The following TAX1BP1 variants were observed in gnomAD, a reference collection of about 807,000 sequenced individuals.
TAX1BP1 encodes Tax1 binding protein 1, also known as tax1-binding protein 1.
TAX1BP1 carries 62 observed loss-of-function variants against 97.7 expected under a neutral mutation model. That is an observed-to-expected ratio of 0.63 (90% CI 0.52 to 0.78). The LOEUF is 0.78. Among genes scored for constraint, TAX1BP1 ranks in the 30% least tolerant of loss-of-function variants. TAX1BP1 has a pLI of 0.00. For missense variants in TAX1BP1, 867 were observed against 916.1 expected, an observed-to-expected ratio of 0.95 and a Z score of 0.69; for synonymous variants, 340 against 304.2, an observed-to-expected ratio of 1.12 and a Z score of -1.23.
chr7:27,802,003 A>G (rs916461776), intron 13 of TAX1BP1, among the ~76,000 whole-genome samples: 2 of 152,212 alleles, frequency 1.3e-5, no homozygotes, highest in Non-Finnish European at 2.9e-5. Context: ...AGCTAGGGAA[A>G]GGAAGCAGCA....
chr7:27,769,718 A>C lies in TAX1BP1; in HGVS notation c.496A>C (p.Lys166Gln), dbSNP rs764296726. The C allele has an allele frequency of 9.9e-6, 16 of 1,612,024 alleles. No individual in the cohort carries two copies. Among genetic ancestry groups the C allele is most frequent in the Admixed American group, 1.7e-5 (1 of 59,920 alleles). ...KTMKEKEELL[K>Q]LIAVLEKETA... Reference sequence around the variant, plus strand: ...CATGAAAGAAAAAGAAGAACTGTTAAAGTTAATTGCCGTTCTGGAAAAAGA... The same window carrying C: ...CATGAAAGAAAAAGAAGAACTGTTACAGTTAATTGCCGTTCTGGAAAAAGA... The change falls in exon 5 of 17, where the codon AAG becomes CAG. Residue 166 changes from lysine to glutamine, a missense_variant. This residue lies in a region of TAX1BP1 where 822 missense variants were observed against 851.4 expected (regional missense o/e 0.97). Coordinates refer to ENST00000396319, the MANE Select transcript of TAX1BP1 (RefSeq NM_006024.7).
At chr7:27,787,741 C>A (rs1265851951) in intron 8 of TAX1BP1, 138 bp downstream of exon 8, 2 of 757,010 alleles carry the variant, frequency 2.6e-6, no homozygotes, top group African/African-American at 1.8e-5. Flanking sequence ...AAGAACAGAA[C>A]AATGAATACT....
intron 13 of TAX1BP1, among the ~76,000 whole-genome samples, chr7:27,807,858 T>G (rs764598025): frequency 5.9e-5 from 9 of 152,194 alleles, no homozygotes; most frequent in Non-Finnish European, 1.0e-4. Context: ...ATATTTATCA[T>G]TGTAGACTCA....
intron 11 of TAX1BP1, 39 bp downstream of exon 11, chr7:27,794,485 A>C: frequency 1.3e-6 from 2 of 1,548,226 alleles, no homozygotes; most frequent in Non-Finnish European, 1.7e-6. Context: ...GGTGTCCTAC[A>C]TTGAAAAGTA....
chr7:27,775,994 C>G (rs924962497), intron 5 of TAX1BP1, among the ~76,000 whole-genome samples: 2 of 149,184 alleles, frequency 1.3e-5, no homozygotes, highest in Non-Finnish European at 3.0e-5. Flanking sequence ...TCTGTCTGTT[C>G]GTCTGTCTGT....
At chr7:27,760,636 C>T (rs1483922106) in intron 3 of TAX1BP1, among the ~76,000 whole-genome samples, 1 of 152,130 alleles carries the variant, frequency 6.6e-6, no homozygotes, top group Middle Eastern at 3.4e-3. Flanking sequence ...CCTTGTGATC[C>T]GCCCGCCTCG....
chr7:27,749,906 C>T (rs1456731146), intron 2 of TAX1BP1, among the ~76,000 whole-genome samples: 3 of 152,112 alleles, frequency 2.0e-5, no homozygotes, highest in Non-Finnish European at 4.4e-5. Flanking sequence ...ATCCTTTCCC[C>T]GCAGCCTTCC....
intron 5 of TAX1BP1, among the ~76,000 whole-genome samples, chr7:27,775,895 T>C (rs1789015207): frequency 6.6e-6 from 1 of 152,170 alleles, no homozygotes; most frequent in Admixed American, 6.5e-5. Context: ...TTTCCCACTT[T>C]ATGATGTCTT....
chr7:27,792,918 G>A, intron 9 of TAX1BP1, 148 bp from the exon 10 acceptor site: 1 of 644,252 alleles, frequency 1.6e-6, no homozygotes. Context: ...GCCATAATTG[G>A]GCCACTGTGT....
At chr7:27,804,966 A>G (rs1358877164) in intron 13 of TAX1BP1, among the ~76,000 whole-genome samples, 1 of 152,212 alleles carries the variant, frequency 6.6e-6, no homozygotes, top group Non-Finnish European at 1.5e-5. Context: ...TTTACAAATA[A>G]TACTGCAATG....
chr7:27,799,909 G>T (rs1458824191), intron 12 of TAX1BP1, 56 bp from the exon 13 acceptor site: 1 of 1,440,116 alleles, frequency 6.9e-7, no homozygotes, highest in Non-Finnish European at 9.4e-7. Context: ...CATTAGTATA[G>T]ATTTTCACTC....
At chr7:27,801,135 A>G (rs1790123880) in intron 13 of TAX1BP1, among the ~76,000 whole-genome samples, 1 of 151,378 alleles carries the variant, frequency 6.6e-6, no homozygotes, top group Non-Finnish European at 1.5e-5. Flanking sequence ...TTAGAGAAAA[A>G]AAAAAAACAG....
chr7:27,821,650 AGT>A (rs1489392650), intron 15 of TAX1BP1, among the ~76,000 whole-genome samples: 1 of 150,922 alleles, frequency 6.6e-6, no homozygotes, highest in East Asian at 1.9e-4. Flanking sequence ...AAAAAAAAAA[AGT>A]AGTTAATTTT....
chr7:27,825,235 C>CT (rs767330487), intron 15 of TAX1BP1, among the ~76,000 whole-genome samples: 3,174 of 139,708 alleles, frequency 0.023, 111 homozygotes, highest in African/African-American at 0.073. Flanking sequence ...TTCCCAGTAG[C>CT]TTTTTTTTTT....
chr7:27,753,338 C>T (rs1482741542), intron 2 of TAX1BP1, among the ~76,000 whole-genome samples: 1 of 152,100 alleles, frequency 6.6e-6, no homozygotes, highest in Non-Finnish European at 1.5e-5. Flanking sequence ...GATGCCATAT[C>T]TTTATTATTA....
In TAX1BP1 at chr7:27,766,005, A is replaced by T. The variant is rs745365488; in HGVS notation, c.437A>T (p.Lys146Ile). Reference protein sequence around the residue: ...GNSDMLVVTTKAGLLELKIEK... With the variant: ...GNSDMLVVTTIAGLLELKIEK... Reference sequence around the variant, plus strand: ...TCTGACATGTTAGTGGTGACCACAAAAGCAGGCCTTCTTGAGGTTGGTGTT... The same window carrying T: ...TCTGACATGTTAGTGGTGACCACAATAGCAGGCCTTCTTGAGGTTGGTGTT... The change falls in exon 4 of 17, where the codon AAA becomes ATA. Residue 146 changes from lysine (K) to isoleucine (I), a missense_variant. Physicochemically the swap from Lys to Ile is moderately radical, Grantham distance 102 (BLOSUM62 -3). This residue lies in a region of TAX1BP1 where 822 missense variants were observed against 851.4 expected (regional missense o/e 0.97). Transcript: ENST00000396319. 13 of 1,613,970 alleles carry T rather than the reference A, an allele frequency of 8.1e-6. No individual in the cohort carries two copies. Among genetic ancestry groups the T allele is most frequent in the Non-Finnish European group, 1.0e-5 (12 of 1,179,942 alleles).
chr7:27,786,132 ATT>A (rs34913580), intron 7 of TAX1BP1, among the ~76,000 whole-genome samples: 15 of 140,444 alleles, frequency 1.1e-4, no homozygotes, highest in Admixed American at 1.4e-4. Flanking sequence ...GAAGTTTTGA[ATT>A]TTTTTTTTTT....
At chr7:27,816,667 A>G in intron 14 of TAX1BP1, 147 bp downstream of exon 14, 1 of 877,068 alleles carries the variant, frequency 1.1e-6, no homozygotes. Flanking sequence ...AATATTTAAC[A>G]CTGTAACTGG....
At chr7:27,761,961 C>G (rs1788444838) in intron 3 of TAX1BP1, among the ~76,000 whole-genome samples, 1 of 152,090 alleles carries the variant, frequency 6.6e-6, no homozygotes, top group South Asian at 2.1e-4. Flanking sequence ...GATGAGAGTT[C>G]CTGTTGCTCC....
Sources: allele counts gnomAD v4.1 joint callset (sites outside exome capture counted in the v4.1 genomes callset), GRCh38; gene constraint gnomAD v4.1.1; regional missense constraint gnomAD v4.1.1; transcripts MANE v1.5; gene names NCBI Gene and HGNC (gene_info 2026-07-23, HGNC 2026-07-21).